Variants in BTF3L4 observed in about 807,000 individuals in gnomAD.
BTF3L4 encodes the protein basic transcription factor 3 like 4, also known as transcription factor BTF3 homolog 4.
In BTF3L4, 6 loss-of-function variants were observed where a neutral mutation model predicts 16.8. The observed-to-expected ratio is 0.36, with a 90% CI of 0.20 to 0.71. The LOEUF (loss-of-function observed/expected upper bound fraction) is 0.71, where lower values mean the gene tolerates loss of function less well. BTF3L4 is among the 30% of genes least tolerant of loss of function. The pLI is 0.58. For missense variants in BTF3L4, 92 were observed against 186.9 expected (o/e 0.49, Z 2.96); for synonymous variants, 39 against 59.8 (o/e 0.65, Z 1.60).
At chr1:52,063,934 A>G (rs981375561) in intron 2 of BTF3L4, among the ~76,000 whole-genome samples, 2 of 152,208 alleles carry the variant, frequency 1.3e-5, no homozygotes, top group Non-Finnish European at 2.9e-5. Flanking sequence ...TTTTCTACAT[A>G]GCAACTTCAG....
intron 3 of BTF3L4, among the ~76,000 whole-genome samples, chr1:52,069,427 C>T (rs1403591237): frequency 6.6e-6 from 1 of 151,896 alleles, no homozygotes; most frequent in African/African-American, 2.4e-5. Context: ...GAAGCTATTG[C>T]ATTAAATGTA....
chr1:52,083,839 G>T (rs1643945515), intron 4 of BTF3L4, among the ~76,000 whole-genome samples: 1 of 152,036 alleles, frequency 6.6e-6, no homozygotes, highest in African/African-American at 2.4e-5. Flanking sequence ...GACCGACATG[G>T]TGAAACCTCG....
chr1:52,072,674 G>C (rs1181088406), intron 3 of BTF3L4, among the ~76,000 whole-genome samples: 1 of 152,124 alleles, frequency 6.6e-6, no homozygotes, highest in Non-Finnish European at 1.5e-5. Context: ...CGGATTTATA[G>C]CTGAATAATA....
chr1:52,083,043 C>T (rs1209473984), intron 3 of BTF3L4, among the ~76,000 whole-genome samples: 2 of 152,076 alleles, frequency 1.3e-5, no homozygotes, highest in African/African-American at 4.8e-5. Context: ...GCTGATACTT[C>T]CATTTTTTAA....
chr1:52,068,020 C>T lies in BTF3L4; in HGVS notation c.168+3082C>T, dbSNP rs566637337. 7.2e-5 allele frequency among the ~76,000 whole-genome samples: 11 copies of T among 152,204 alleles called. No individual in the cohort carries two copies. In the East Asian group the frequency reaches 2.1e-3, roughly 29 times the overall value. The stretch of plus-strand genomic sequence containing the variant: ...TAGAGAGGAAAAAAAATTATACCTT[C>T]CTTGCAGTATAGATTTAACTGTGTA... On this transcript the variant is annotated intron_variant, in intron 3 of 5. Transcript: ENST00000313334.
intron 3 of BTF3L4, among the ~76,000 whole-genome samples, chr1:52,070,213 TA>T (rs66484875): frequency 0.91 from 127,579 of 140,602 alleles, 58,419 homozygotes; most frequent in Non-Finnish European, 0.98. Context: ...CAAGACTGTC[TA>T]AAAAAAAAAA....
chr1:52,073,680 CT>C (rs1455068661), intron 3 of BTF3L4, among the ~76,000 whole-genome samples: 2 of 92,634 alleles, frequency 2.2e-5, no homozygotes, highest in African/African-American at 8.6e-5. Flanking sequence ...TCGTGAGATG[CT>C]GTCTCTACAA....
chr1:52,086,053 A>G lies in BTF3L4; in HGVS notation c.371-59A>G, dbSNP rs192918316. The G allele has an allele frequency of 5.2e-4, 620 of 1,195,478 alleles. 2 individuals are homozygous for G. The African/African-American group carries it at 8.0e-3, about 15-fold the overall frequency. 74.1% of individuals were successfully genotyped at this position (1,195,478 alleles called of 1,614,324 possible). On this transcript the variant is annotated intron_variant, in intron 4 of 5. Transcript: ENST00000313334. Reference sequence around the variant, plus strand: ...ATACAGGAAAAAAGGGATAAACATTATAAGTTTTCTTTAAGGTCTTTGTTC... The same window carrying G: ...ATACAGGAAAAAAGGGATAAACATTGTAAGTTTTCTTTAAGGTCTTTGTTC...
intron 3 of BTF3L4, among the ~76,000 whole-genome samples, chr1:52,072,156 AC>A (rs1340090331): frequency 1.3e-5 from 2 of 150,600 alleles, no homozygotes; most frequent in African/African-American, 4.9e-5. Context: ...CTGTGTTCAC[AC>A]CATTCTCCTG....
intron 2 of BTF3L4, chr1:52,060,742 A>G: frequency 2.4e-6 from 1 of 412,990 alleles, no homozygotes; most frequent in Non-Finnish European, 3.3e-6. Context: ...GATGAGCACA[A>G]GGGAAGGGAA....
chr1:52,072,338 C>T (rs540930437), intron 3 of BTF3L4, among the ~76,000 whole-genome samples: 3 of 152,242 alleles, frequency 2.0e-5, no homozygotes, highest in South Asian at 2.1e-4. Flanking sequence ...AGGCATGAGC[C>T]ACCGCGCCTG....
intron 5 of BTF3L4, 200 bp downstream of exon 5, chr1:52,086,371 C>G: frequency 2.0e-6 from 1 of 490,614 alleles, no homozygotes; most frequent in Non-Finnish European, 3.6e-6. Flanking sequence ...ACACAAAGCT[C>G]TGCTGCCTGG....
chr1:52,068,728 T>C (rs954982547), intron 3 of BTF3L4, among the ~76,000 whole-genome samples: 2 of 152,244 alleles, frequency 1.3e-5, no homozygotes, highest in Admixed American at 1.3e-4. Flanking sequence ...ACCTGCCTTA[T>C]ATAGGTACTG....
At chr1:52,066,863 C>A (rs746359798) in intron 3 of BTF3L4, among the ~76,000 whole-genome samples, 3 of 151,672 alleles carry the variant, frequency 2.0e-5, no homozygotes, top group Non-Finnish European at 4.4e-5. Context: ...AAAATTTAAT[C>A]ATTACTGTGT....
At chr1:52,086,584 C>T in intron 5 of BTF3L4, 128 bp from the exon 6 acceptor site, 1 of 559,550 alleles carries the variant, frequency 1.8e-6, no homozygotes, top group Non-Finnish European at 3.2e-6. Context: ...TTTCTGCCTC[C>T]TTATGTTTTC....
chr1:52,078,752 A>G (rs1041387919), intron 3 of BTF3L4, among the ~76,000 whole-genome samples: 4 of 152,180 alleles, frequency 2.6e-5, no homozygotes, highest in African/African-American at 9.6e-5. Context: ...AAAGCAAAAA[A>G]TGAGAGCAAG....
At chr1:52,084,532 C>T (rs1643952779) in intron 4 of BTF3L4, among the ~76,000 whole-genome samples, 1 of 151,806 alleles carries the variant, frequency 6.6e-6, no homozygotes, top group South Asian at 2.1e-4. Flanking sequence ...TGGCTCACTC[C>T]TGTAATACCA....
chr1:52,084,524 G>A (rs1479453776), intron 4 of BTF3L4, among the ~76,000 whole-genome samples: 1 of 151,860 alleles, frequency 6.6e-6, no homozygotes, highest in East Asian at 1.9e-4. Flanking sequence ...GGGCGCAGTG[G>A]CTCACTCCTG....
chr1:52,072,366 A>G (rs976435272), intron 3 of BTF3L4, among the ~76,000 whole-genome samples: 3 of 152,054 alleles, frequency 2.0e-5, no homozygotes, highest in African/African-American at 7.2e-5. Flanking sequence ...GTTTTTAACT[A>G]TACAATTCAT....
Sources: allele counts gnomAD v4.1 joint callset (sites outside exome capture counted in the v4.1 genomes callset), GRCh38; gene constraint gnomAD v4.1.1; transcripts MANE v1.5; gene names NCBI Gene and HGNC (gene_info 2026-07-23, HGNC 2026-07-21).